Variants in WFS1 observed in about 807,000 individuals in gnomAD.
WFS1 encodes wolframin ER transmembrane glycoprotein, also known as wolframin.
Under a neutral mutation model 68.5 loss-of-function variants are expected in WFS1, and 90 were observed. The observed-to-expected ratio is 1.31, with a 90% CI of 1.11 to 1.56. The LOEUF is 1.56. Ranked by LOEUF, WFS1 falls within the 40% of genes most tolerant of loss-of-function variation. WFS1 has a pLI of 0.00. For missense variants in WFS1, 1,767 were observed against 1,232.6 expected, an observed-to-expected ratio of 1.43 and a Z score of -6.49; for synonymous variants, 860 against 540.7, an observed-to-expected ratio of 1.59 and a Z score of -8.19.
intron 1 of WFS1, among the ~76,000 whole-genome samples, chr4:6,274,294 G>T (rs945662172): frequency 7.9e-5 from 12 of 151,880 alleles, no homozygotes; most frequent in Admixed American, 5.9e-4. Flanking sequence ...TGATCTGCCC[G>T]CCTCGGCCTC....
intron 1 of WFS1, among the ~76,000 whole-genome samples, chr4:6,274,602 A>G (rs1199727125): frequency 6.6e-6 from 1 of 152,106 alleles, no homozygotes; most frequent in Admixed American, 6.5e-5. Flanking sequence ...TAGGTGAGGA[A>G]GACAGGGACT....
At chr4:6,278,410 G>A (rs544624852) in intron 2 of WFS1, among the ~76,000 whole-genome samples, 1 of 152,226 alleles carries the variant, frequency 6.6e-6, no homozygotes, top group Non-Finnish European at 1.5e-5. Flanking sequence ...TAGAGAGGCC[G>A]CTGCCAGGGA....
intron 2 of WFS1, among the ~76,000 whole-genome samples, chr4:6,285,189 A>ACGTCCAGGGAGAGGGG (rs1215236600): frequency 0.012 from 1,718 of 147,520 alleles, 38 homozygotes; most frequent in African/African-American, 0.04. Context: ...AGGGAGAGTT[A>ACGTCCAGGGAGAGGGG]CGTCCAGGGA....
rs753674557 is a variant in WFS1 at position 6,302,333 on chromosome 4, C to T, written c.2538C>T (p.Ser846=). 1.2e-6 allele frequency: 2 copies of T among 1,612,544 alleles called. No individual in the cohort carries two copies. Among genetic ancestry groups the T allele is most frequent in the East Asian group, 2.2e-5 (1 of 44,872 alleles). ...CTGTCTTCGAGCTCAAGGCCATCAG[C>T]TGCCTCAACTGCATGGCCCAGCTCT... is the stretch of plus-strand genomic sequence containing the variant. ...KWPVFELKAI[S]CLNCMAQLSP... is the part of the protein sequence containing the mutation. Residue 846 remains serine (S), a synonymous_variant, in exon 8 of 8, where the codon AGC becomes AGT. Coordinates refer to ENST00000226760, the MANE Select transcript of WFS1 (RefSeq NM_006005.3).
At chr4:6,294,815 G>C in intron 6 of WFS1, 1 of 596,814 alleles carries the variant, frequency 1.7e-6, no homozygotes, top group Non-Finnish European at 2.9e-6. Flanking sequence ...CCCAGGGGCC[G>C]GGGGCCAGGA....
At chr4:6,270,157 G>C (rs1265005141) in intron 1 of WFS1, 143 bp downstream of exon 1, 1 of 152,282 alleles carries the variant, frequency 6.6e-6, no homozygotes, top group Non-Finnish European at 1.5e-5. Flanking sequence ...GTCCCGACAA[G>C]GTCCCCGAAG....
intron 7 of WFS1, among the ~76,000 whole-genome samples, chr4:6,299,083 G>T (rs1221891404): frequency 6.6e-6 from 1 of 152,242 alleles, no homozygotes; most frequent in African/African-American, 2.4e-5. Context: ...TGTATGCCAC[G>T]CCATGCTGTG....
chr4:6,275,467 C>T (rs1416716291), intron 1 of WFS1, among the ~76,000 whole-genome samples: 2 of 152,104 alleles, frequency 1.3e-5, no homozygotes, highest in Non-Finnish European at 2.9e-5. Flanking sequence ...TGCCAGTTCC[C>T]GGGAGCTGGG....
intron 7 of WFS1, among the ~76,000 whole-genome samples, chr4:6,300,047 C>T (rs111754504): frequency 1.4e-4 from 21 of 152,110 alleles, no homozygotes; most frequent in Admixed American, 9.2e-4. Context: ...GCAGCTCACC[C>T]GGCAGCCCCG....
chr4:6,301,574 G>A lies in WFS1; in HGVS notation c.1779G>A (p.Glu593=). 2 of 1,614,158 alleles carry A rather than the reference G, an allele frequency of 1.2e-6. No homozygotes were observed. Among genetic ancestry groups the A allele is most frequent in the East Asian group, 2.2e-5 (1 of 44,868 alleles). Residue 593 remains glutamate (E), a synonymous_variant, in exon 8 of 8, where the codon GAG becomes GAA. Coordinates refer to ENST00000226760, the MANE Select transcript of WFS1 (RefSeq NM_006005.3). ...LQFARWFTSL[E]LTKIAVTVAV... is the part of the protein sequence containing the mutation. ...TCGCCCGGTGGTTCACGTCTCTGGA[G>A]CTCACCAAGATCGCAGTCACCGTGG... is the stretch of plus-strand genomic sequence containing the variant.
chr4:6,291,229 C>T lies in WFS1; in HGVS notation c.493C>T (p.Gln165Ter). Residue 165 changes from glutamine to a stop codon, truncating the protein, a stop_gained, in exon 5 of 8, where the codon CAG (glutamine) becomes TAG (stop). Coordinates refer to ENST00000226760, the MANE Select transcript of WFS1 (RefSeq NM_006005.3). LOFTEE classifies it high-confidence loss of function. ...ITSENEREVR[Q>*]LSSETDLERA... ...GTCCGAGAACGAACGGGAGGTGAGG[C>T]AGCTCTCCTCCGAGACCGACCTGGA... 1.2e-6 allele frequency: 2 copies of T among 1,612,990 alleles called. No individual in the cohort carries two copies. The highest frequency in any genetic ancestry group is 1.7e-5 in the Admixed American group (1 of 60,010).
In WFS1 at chr4:6,291,276, C is replaced by T. The variant is rs1484090328; in HGVS notation, c.540C>T (p.Ala180=). ...TDLERAVRKA[A]LVMYWKLNPK... The stretch of plus-strand genomic sequence containing the variant: ...TGGAGAGGGCCGTGCGCAAGGCAGC[C>T]CTGGTCATGTACTGGAAGCTCAACC... The change falls in exon 5 of 8, where the codon GCC becomes GCT. Residue 180 remains alanine, a synonymous_variant. Coordinates refer to ENST00000226760, the MANE Select transcript of WFS1 (RefSeq NM_006005.3). 6.2e-7 allele frequency: 1 copy of T among 1,613,382 alleles called. No homozygotes were observed. The highest frequency in any genetic ancestry group is 8.5e-7 in the Non-Finnish European group (1 of 1,179,994).
chr4:6,290,457 C>T (rs1044542616), intron 4 of WFS1, among the ~76,000 whole-genome samples: 3 of 152,246 alleles, frequency 2.0e-5, no homozygotes, highest in African/African-American at 7.2e-5. Context: ...TGGGGCAGAG[C>T]GTGCAAGGGA....
At chr4:6,285,055 G>A (rs1383019875) in intron 2 of WFS1, among the ~76,000 whole-genome samples, 6 of 151,768 alleles carry the variant, frequency 4.0e-5, no homozygotes, top group Admixed American at 3.9e-4. Flanking sequence ...TGGGGAGGGT[G>A]GGTGTCCAAA....
rs753964845 is a variant in WFS1 at position 6,291,213 on chromosome 4, C to T, written c.477C>T (p.Asn159=). 7.3e-5 allele frequency: 117 copies of T among 1,612,548 alleles called. 1 individual carries two copies. Among genetic ancestry groups the T allele is most frequent in the Admixed American group, 2.3e-4 (14 of 60,008 alleles). The change falls in exon 5 of 8, where the codon AAC becomes AAT. Residue 159 remains asparagine (N), a synonymous_variant. Transcript: ENST00000226760. The part of the protein sequence containing the change: ...LADRRGITSE[N]EREVRQLSSE... ...ATCCCTCAGGCATCACGTCCGAGAA[C>T]GAACGGGAGGTGAGGCAGCTCTCCT... is the stretch of plus-strand genomic sequence containing the variant.
chr4:6,302,063 C>G lies in WFS1; in HGVS notation c.2268C>G (p.Arg756=). 6.2e-7 allele frequency: 1 copy of G among 1,612,898 alleles called. No individual in the cohort carries two copies. The highest frequency in any genetic ancestry group is 8.5e-7 in the Non-Finnish European group (1 of 1,180,018). Residue 756 remains arginine (R), a synonymous_variant, in exon 8 of 8, where the codon CGC becomes CGG. Coordinates refer to ENST00000226760, the MANE Select transcript of WFS1 (RefSeq NM_006005.3). ...NTSTAEEELC[R]LKLLAKHPCH... The stretch of plus-strand genomic sequence containing the variant: ...CCACGGCCGAGGAGGAGCTCTGTCG[C>G]CTTAAGCTGCTGGCCAAGCACCCCT...
chr4:6,301,757 A>T lies in WFS1; in HGVS notation c.1962A>T (p.Ser654=). The T allele has an allele frequency of 1.2e-6, 2 of 1,613,804 alleles. No individual in the cohort carries two copies. The highest frequency in any genetic ancestry group is 1.7e-6 in the Non-Finnish European group (2 of 1,180,038). The change falls in exon 8 of 8, where the codon TCA becomes TCT. Residue 654 remains serine, a synonymous_variant. Coordinates refer to ENST00000226760, the MANE Select transcript of WFS1 (RefSeq NM_006005.3). ...VLFCWFYVYR[S]EGMKVYNSTL... ...TCTGCTGGTTCTATGTGTACCGCTC[A>T]GAGGGCATGAAGGTCTACAACTCCA...
In WFS1 at chr4:6,301,111, T is replaced by C. The variant is rs141585847; in HGVS notation, c.1316T>C (p.Phe439Ser). 1 of 1,613,778 alleles carries C rather than the reference T, an allele frequency of 6.2e-7. No homozygotes were observed. The highest frequency in any genetic ancestry group is 8.5e-7 in the Non-Finnish European group (1 of 1,180,018). The change falls in exon 8 of 8, where the codon TTT (phenylalanine) becomes TCT (serine). Residue 439 changes from phenylalanine (F) to serine (S), a missense_variant. Coordinates refer to ENST00000226760, the MANE Select transcript of WFS1 (RefSeq NM_006005.3). The part of the protein sequence containing the change: ...CSELAVITGF[F>S]TVTSYLSLST... ...GAGCTGGCTGTCATCACCGGCTTCT[T>C]TACCGTGACCAGCTACCTGAGCCTG...
In WFS1 at chr4:6,301,523, C is replaced by G. The variant is rs143500912; in HGVS notation, c.1728C>G (p.Gly576=). Residue 576 remains glycine (G), a synonymous_variant, in exon 8 of 8, where the codon GGC becomes GGG. Transcript: ENST00000226760. The part of the protein sequence containing the change: ...FLFALPILVA[G]LALVGVLQFA... ...TTGCCCTCCCCATCCTGGTGGCCGG[C>G]CTGGCCCTGGTGGGCGTGCTGCAGT... 1.9e-6 allele frequency: 3 copies of G among 1,613,906 alleles called. No homozygotes were observed. The highest frequency in any genetic ancestry group is 1.7e-5 in the Admixed American group (1 of 60,032).
Sources: gnomAD v4.1 joint callset for allele counts (sites outside exome capture counted in the v4.1 genomes callset) on GRCh38, gnomAD v4.1.1 for gene constraint, MANE v1.5 for transcripts, NCBI Gene and HGNC (gene_info 2026-07-23, HGNC 2026-07-21) for gene names.